The following FOXN3 variants were observed in gnomAD, a reference collection of about 807,000 sequenced individuals.
The protein encoded by FOXN3 is forkhead box N3.
In FOXN3, 7 loss-of-function variants were observed where a neutral mutation model predicts 38.4. The ratio of observed to expected loss-of-function variants is 0.18; its 90% CI spans 0.10 to 0.34. The LOEUF is 0.34. Ranked by LOEUF, FOXN3 falls within the 10% of genes least tolerant of loss-of-function variation. The pLI is 1.00. For missense variants in FOXN3, 456 were observed against 613.4 expected, an observed-to-expected ratio of 0.74 and a Z score of 2.71; for synonymous variants, 230 against 242.2, an observed-to-expected ratio of 0.95 and a Z score of 0.47.
At chr14:89,303,113 G>C (rs115692941) in intron 3 of FOXN3, among the ~76,000 whole-genome samples, 2,135 of 152,202 alleles carry the variant, frequency 0.014, 43 homozygotes, top group African/African-American at 0.049. Flanking sequence ...ACTTGCTCCA[G>C]CTTCTCCTGC....
At chr14:89,417,791 C>T, upstream of FOXN3, 10 of 454,218 alleles carry the variant, frequency 2.2e-5, no homozygotes, top group South Asian at 1.4e-4. Flanking sequence ...ACCTCGTGTC[C>T]CGGAGGTAAG....
chr14:89,528,773 A>T (rs1305187267), intron 1 of FOXN3, among the ~76,000 whole-genome samples: 1 of 152,160 alleles, frequency 6.6e-6, no homozygotes. Context: ...TACATGCTAT[A>T]TGATTCTATT....
intron 3 of FOXN3, among the ~76,000 whole-genome samples, chr14:89,348,448 A>G (rs568027579): frequency 6.6e-6 from 1 of 152,326 alleles, no homozygotes; most frequent in South Asian, 2.1e-4. Context: ...CAGTGGCTTC[A>G]GTGCAATTTC....
rs964371265 is a variant in FOXN3 at position 89,159,243 on chromosome 14, T to C, written c.*3171A>G. ...CACATACACATTGATACTTTTTGTTTTTGTTCTCAACAATCAAAATACAAA... is the reference window on the plus strand; with the variant it reads ...CACATACACATTGATACTTTTTGTTCTTGTTCTCAACAATCAAAATACAAA... On this transcript the variant is annotated 3_prime_UTR_variant, in exon 6 of 6. Transcript: ENST00000557258. 2.0e-5 allele frequency: 3 copies of C among 152,654 alleles called. No homozygotes were observed. The highest frequency in any genetic ancestry group is 7.2e-5 in the African/African-American group (3 of 41,456). 9.5% of individuals were successfully genotyped at this position (152,654 alleles called of 1,614,324 possible). A position where few individuals can be genotyped will look rare whatever the true frequency, so the allele number is the denominator to read the frequency against.
At chr14:89,197,197 A>T (rs972956356) in intron 4 of FOXN3, among the ~76,000 whole-genome samples, 2 of 152,244 alleles carry the variant, frequency 1.3e-5, no homozygotes, top group Non-Finnish European at 2.9e-5. Flanking sequence ...ACACTCAGAC[A>T]GAAATGATCA....
intron 1 of FOXN3, among the ~76,000 whole-genome samples, chr14:89,433,048 T>C (rs1186952650): frequency 6.6e-6 from 1 of 152,162 alleles, no homozygotes; most frequent in Non-Finnish European, 1.5e-5. Flanking sequence ...TACCTACAAA[T>C]GCTCACATAG....
chr14:89,176,969 A>T (rs1351891502), intron 5 of FOXN3, among the ~76,000 whole-genome samples: 2 of 151,510 alleles, frequency 1.3e-5, no homozygotes, highest in Admixed American at 1.3e-4. Flanking sequence ...GCTAATGCAC[A>T]ATGGTTTTCT....
chr14:89,300,115 A>C (rs114621308), intron 3 of FOXN3, among the ~76,000 whole-genome samples: 1 of 152,118 alleles, frequency 6.6e-6, no homozygotes, highest in African/African-American at 2.4e-5. Context: ...GTACCTCAAT[A>C]ATAAAGGCAA....
At chr14:89,279,040 A>C (rs1001923427) in intron 4 of FOXN3, among the ~76,000 whole-genome samples, 6 of 152,168 alleles carry the variant, frequency 3.9e-5, no homozygotes, top group Admixed American at 2.6e-4. Flanking sequence ...TATTCCAAAA[A>C]AATATTATCA....
At position 89,206,321 on chromosome 14, in the gene FOXN3, C is replaced by T. The variant is rs374432035; in HGVS notation, c.746-25515G>A. Among the ~76,000 whole-genome samples, 32 of 152,322 alleles carry T rather than the reference C, an allele frequency of 2.1e-4. No individual in the cohort carries two copies. The South Asian group carries it at 5.2e-3, about 25-fold the overall frequency. ...TTAAAGGAGGTGAGCTCGGGCCAAA[C>T]GTGGTCTCCTCTTGTGGATGCTGCG... On this transcript the variant is annotated intron_variant, in intron 4 of 5. Transcript: ENST00000557258.
intron 1 of FOXN3, among the ~76,000 whole-genome samples, chr14:89,533,198 G>A (rs756887993): frequency 6.6e-6 from 1 of 152,170 alleles, no homozygotes; most frequent in African/African-American, 2.4e-5. Flanking sequence ...TGTCATGCAT[G>A]GAGGAAAGCC....
chr14:89,214,118 A>G (rs574576373), intron 4 of FOXN3, among the ~76,000 whole-genome samples: 50 of 152,234 alleles, frequency 3.3e-4, no homozygotes, highest in East Asian at 1.9e-4. Context: ...CTTTGATGAT[A>G]TATCTTTTTT....
Position 89,161,198 on chromosome 14 carries a change from G to A in FOXN3, c.*1216C>T, listed in dbSNP as rs1445710589. Reference sequence around the variant, plus strand: ...ATCAGAAATTTCTGCTGGCTATACTGGCTGAATGTGGAAATCACTGATTTT... The same window carrying A: ...ATCAGAAATTTCTGCTGGCTATACTAGCTGAATGTGGAAATCACTGATTTT... On this transcript the variant is annotated 3_prime_UTR_variant, in exon 6 of 6. Coordinates refer to ENST00000557258, the MANE Select transcript of FOXN3 (RefSeq NM_005197.4). The A allele has an allele frequency of 1.3e-5, 2 of 152,236 alleles. No homozygotes were observed. Among genetic ancestry groups the A allele is most frequent in the African/African-American group, 4.8e-5 (2 of 41,318 alleles). 9.4% of individuals were successfully genotyped at this position (152,236 alleles called of 1,614,324 possible). A position where few individuals can be genotyped will look rare whatever the true frequency, so the allele number is the denominator to read the frequency against.
intron 4 of FOXN3, among the ~76,000 whole-genome samples, chr14:89,210,993 GCAAAAAC>G (rs908685359): frequency 3.9e-5 from 6 of 152,012 alleles, no homozygotes; most frequent in African/African-American, 1.2e-4. Context: ...TAGACATGTT[GCAAAAAC>G]CAAAAAACAA....
At position 89,241,883 on chromosome 14, in the gene FOXN3, C is replaced by T. The variant is rs113842325; in HGVS notation, c.745+39067G>A. Reference sequence around the variant, plus strand: ...CCCACTCGCAATGGGGGGCCTCTTCCCCTCGGAGCTCTGCCTCTCCCCACC... The same window carrying T: ...CCCACTCGCAATGGGGGGCCTCTTCTCCTCGGAGCTCTGCCTCTCCCCACC... On this transcript the variant is annotated intron_variant, in intron 4 of 5. Transcript: ENST00000557258. Among the ~76,000 whole-genome samples the T allele has an allele frequency of 1.0e-3, 154 of 152,292 alleles. 1 individual carries two copies. Among genetic ancestry groups the T allele is most frequent in the Non-Finnish European group, 1.8e-3 (125 of 68,028 alleles).
intron 5 of FOXN3, among the ~76,000 whole-genome samples, chr14:89,165,881 A>G (rs1419372789): frequency 6.6e-6 from 1 of 152,236 alleles, no homozygotes; most frequent in African/African-American, 2.4e-5. Flanking sequence ...AGTGGGCTAT[A>G]TTTAGCTTTT....
chr14:89,196,130 C>T (rs118027521), intron 4 of FOXN3, among the ~76,000 whole-genome samples: 9 of 152,160 alleles, frequency 5.9e-5, no homozygotes, highest in Non-Finnish European at 8.8e-5. Context: ...CTCTGTAGTA[C>T]GAGACTGGAA....
intron 1 of FOXN3, chr14:89,576,074 C>G (rs983242245): frequency 6.6e-6 from 1 of 152,170 alleles, no homozygotes; most frequent in African/African-American, 2.4e-5. Flanking sequence ...CTGATGGCTC[C>G]CAAGTTTATT....
chr14:89,422,713 G>A (rs1891940817), intron 1 of FOXN3, among the ~76,000 whole-genome samples: 1 of 152,164 alleles, frequency 6.6e-6, no homozygotes, highest in Admixed American at 6.5e-5. Context: ...CCGTCTCTTG[G>A]GATTTTCCTT....
Sources: allele counts gnomAD v4.1 joint callset (sites outside exome capture counted in the v4.1 genomes callset), GRCh38; gene constraint gnomAD v4.1.1; transcripts MANE v1.5; gene names NCBI Gene and HGNC (gene_info 2026-07-23, HGNC 2026-07-21).